Variants in SNTG2 observed in about 807,000 individuals in gnomAD.
SNTG2 encodes gamma-2-syntrophin.
Under a neutral mutation model 70.9 loss-of-function variants are expected in SNTG2, and 74 were observed. The ratio of observed to expected loss-of-function variants is 1.04; its 90% CI spans 0.86 to 1.27. The LOEUF is 1.27. Ranked by LOEUF, SNTG2 falls within the 50% of genes most tolerant of loss-of-function variation. The pLI is 0.00. For missense variants in SNTG2, 717 were observed against 690.7 expected (o/e 1.04, Z -0.43); for synonymous variants, 278 against 273.8 (o/e 1.02, Z -0.15).
Position 1,184,564 on chromosome 2 carries a change from A to G in SNTG2, c.591+11381A>G, listed in dbSNP as rs549210238. On this transcript the variant is annotated intron_variant, in intron 8 of 16. Coordinates refer to ENST00000308624, the MANE Select transcript of SNTG2 (RefSeq NM_018968.4). ...CTGGGGAGGCCTCAGGAAACTTACA[A>G]TCATGGTAGAAAGTGAAGAGGAAGC... Among the ~76,000 whole-genome samples, 73 of 152,274 alleles carry G rather than the reference A, an allele frequency of 4.8e-4. No individual in the cohort carries two copies. The South Asian group carries it at 8.1e-3, about 17-fold the overall frequency.
intron 1 of SNTG2, among the ~76,000 whole-genome samples, chr2:966,703 T>C (rs770677151): frequency 6.6e-6 from 1 of 152,150 alleles, no homozygotes; most frequent in Non-Finnish European, 1.5e-5. Context: ...TCCCAGCACT[T>C]TGGGAGGCTG....
rs138857216 is a variant in SNTG2 at position 1,060,855 on chromosome 2, A to G, written c.73-22663A>G. On this transcript the variant is annotated intron_variant, in intron 1 of 16. Transcript: ENST00000308624. ...AACCAGTGGGTGAAGTCAGACCAGG[A>G]GCAGGATATGTTCACAGTCCCAATG... Among the ~76,000 whole-genome samples, 52 of 152,382 alleles carry G rather than the reference A, an allele frequency of 3.4e-4. No homozygotes were observed. In the East Asian group the frequency reaches 9.6e-3, roughly 28 times the overall value.
intron 1 of SNTG2, among the ~76,000 whole-genome samples, chr2:983,271 GA>G (rs1661187354): frequency 7.2e-6 from 1 of 138,382 alleles, no homozygotes; most frequent in Non-Finnish European, 1.6e-5. Flanking sequence ...AGGTTGGGAT[GA>G]AGCAGAGGCT....
At chr2:1,298,454 A>G (rs1174696116) in intron 14 of SNTG2, among the ~76,000 whole-genome samples, 1 of 152,212 alleles carries the variant, frequency 6.6e-6, no homozygotes, top group Non-Finnish European at 1.5e-5. Flanking sequence ...ATTTAAAATA[A>G]TTAATATGTA....
chr2:1,219,231 A>G (rs1307669268), intron 9 of SNTG2, among the ~76,000 whole-genome samples: 1 of 152,098 alleles, frequency 6.6e-6, no homozygotes, highest in Admixed American at 6.5e-5. Flanking sequence ...GCCTTCCGCC[A>G]TGATTGTAAG....
chr2:981,842 C>T (rs1661109711), intron 1 of SNTG2, among the ~76,000 whole-genome samples: 1 of 152,214 alleles, frequency 6.6e-6, no homozygotes, highest in Non-Finnish European at 1.5e-5. Context: ...CCCATGCATG[C>T]ACGTGAACAC....
At chr2:1,259,136 G>A (rs933518112) in intron 12 of SNTG2, among the ~76,000 whole-genome samples, 8 of 152,242 alleles carry the variant, frequency 5.3e-5, no homozygotes, top group Non-Finnish European at 7.4e-5. Flanking sequence ...GGAGATAGAC[G>A]TTTTCCTGTC....
Position 1,317,594 on chromosome 2 carries a change from G to A in SNTG2, c.1488+1219G>A, listed in dbSNP as rs1681344941. Among the ~76,000 whole-genome samples, 4 of 118,794 alleles carry A rather than the reference G, an allele frequency of 3.4e-5. No homozygotes were observed. In the South Asian group the frequency reaches 1.2e-3, roughly 35 times the overall value. 77.9% of individuals were successfully genotyped at this position (118,794 alleles called of 152,430 possible). A position where few individuals can be genotyped will look rare whatever the true frequency, so the allele number is the denominator to read the frequency against. ...CATGTAGCATGAGGCCAGCATTGGA[G>A]AAGGTTGGGATTCTGGAGCATTTAG... is the stretch of plus-strand genomic sequence containing the variant. On this transcript the variant is annotated intron_variant, in intron 16 of 16. Coordinates refer to ENST00000308624, the MANE Select transcript of SNTG2 (RefSeq NM_018968.4).
intron 16 of SNTG2, among the ~76,000 whole-genome samples, chr2:1,320,385 AGCCGG>A (rs1206966947): frequency 4.0e-5 from 6 of 151,878 alleles, no homozygotes; most frequent in Non-Finnish European, 7.4e-5. Context: ...ACAAAAAATT[AGCCGG>A]GCCTGGTTGC....
At chr2:1,090,597 G>A (rs543233853) in intron 2 of SNTG2, among the ~76,000 whole-genome samples, 2 of 152,310 alleles carry the variant, frequency 1.3e-5, no homozygotes, top group Non-Finnish European at 1.5e-5. Flanking sequence ...TGACTTGAGA[G>A]ATCAAGAGCC....
At chr2:1,195,853 T>C (rs1365295420) in intron 8 of SNTG2, among the ~76,000 whole-genome samples, 1 of 152,166 alleles carries the variant, frequency 6.6e-6, no homozygotes, top group Non-Finnish European at 1.5e-5. Flanking sequence ...TTATTAAAGA[T>C]TAACTATTTT....
intron 4 of SNTG2, among the ~76,000 whole-genome samples, chr2:1,105,914 A>G (rs1666094423): frequency 6.6e-6 from 1 of 152,232 alleles, no homozygotes; most frequent in African/African-American, 2.4e-5. Flanking sequence ...GTCAGGATGC[A>G]CACCTGGTGG....
chr2:1,073,690 A>G (rs1663730141), intron 1 of SNTG2, among the ~76,000 whole-genome samples: 1 of 152,218 alleles, frequency 6.6e-6, no homozygotes, highest in South Asian at 2.1e-4. Flanking sequence ...AGATGTAATA[A>G]CATTATATCC....
intron 8 of SNTG2, among the ~76,000 whole-genome samples, chr2:1,193,155 TC>T (rs1672703235): frequency 6.6e-6 from 1 of 152,196 alleles, no homozygotes; most frequent in Non-Finnish European, 1.5e-5. Flanking sequence ...TGTAATAGCT[TC>T]ACCCCAAATT....
intron 14 of SNTG2, among the ~76,000 whole-genome samples, chr2:1,287,101 C>A (rs1303789832): frequency 1.3e-5 from 2 of 152,170 alleles, no homozygotes; most frequent in Non-Finnish European, 1.5e-5. Context: ...AGGAGAATAT[C>A]TTTGCTCACT....
chr2:1,266,085 A>G (rs1179041672), intron 13 of SNTG2, among the ~76,000 whole-genome samples: 4 of 152,128 alleles, frequency 2.6e-5, no homozygotes, highest in Non-Finnish European at 5.9e-5. Context: ...AGAGAGAGAC[A>G]GAGAAACAGA....
intron 8 of SNTG2, among the ~76,000 whole-genome samples, chr2:1,188,807 A>G (rs1334110454): frequency 6.6e-6 from 1 of 152,198 alleles, no homozygotes. Context: ...GAACTGTAAT[A>G]TTAACAAAGT....
intron 1 of SNTG2, among the ~76,000 whole-genome samples, chr2:982,294 A>G (rs78707687): frequency 0.11 from 16,535 of 152,270 alleles, 1,174 homozygotes; most frequent in Middle Eastern, 0.23. Context: ...AGTAAGCCTT[A>G]CAGTTACCAG....
chr2:993,287 C>T (rs1030154649), intron 1 of SNTG2, among the ~76,000 whole-genome samples: 6 of 142,708 alleles, frequency 4.2e-5, no homozygotes, highest in South Asian at 2.3e-4. Context: ...CATGTGATCT[C>T]ATTGTGGGTT....
Sources: gnomAD v4.1 joint callset for allele counts (sites outside exome capture counted in the v4.1 genomes callset) on GRCh38, gnomAD v4.1.1 for gene constraint, MANE v1.5 for transcripts, NCBI Gene and HGNC (gene_info 2026-07-23, HGNC 2026-07-21) for gene names.